The following NLRP12 variants were observed in gnomAD, a reference collection of about 807,000 sequenced individuals.
NLRP12 encodes the protein NLR family pyrin domain containing 12.
A neutral mutation model predicts 91.2 loss-of-function variants in NLRP12; 108 were observed. The ratio of observed to expected loss-of-function variants is 1.18; its 90% confidence interval spans 1.01 to 1.39. The LOEUF is 1.39. NLRP12 is among the 40% of genes most tolerant of loss of function. The pLI is 0.00. For synonymous variants in NLRP12, 613 were observed against 566.7 expected (o/e 1.08, Z -1.16); for missense variants, 1,530 against 1,352.7 (o/e 1.13, Z -2.06).
At chr19:53,806,701 A>G (rs1266836669) in intron 4 of NLRP12, among the ~76,000 whole-genome samples, 7 of 147,838 alleles carry the variant, frequency 4.7e-5, no homozygotes, top group East Asian at 2.0e-4. Flanking sequence ...AAAAAAAAAA[A>G]AAAGAAATTA....
At chr19:53,808,920 A>C (rs2092006389) in intron 3 of NLRP12, among the ~76,000 whole-genome samples, 2 of 151,998 alleles carry the variant, frequency 1.3e-5, no homozygotes, top group African/African-American at 4.8e-5. Flanking sequence ...CGTGTCTCCA[A>C]ACATCGCCAA....
chr19:53,822,679 G>A (rs2092277404), intron 1 of NLRP12, among the ~76,000 whole-genome samples: 1 of 149,610 alleles, frequency 6.7e-6, no homozygotes, highest in African/African-American at 2.5e-5. Context: ...GGAGGTTGCA[G>A]TGAGCGGAGA....
At chr19:53,801,457 T>TC (rs1283084108) in intron 6 of NLRP12, 60 bp from the exon 7 acceptor site, 2 of 1,543,100 alleles carry the variant, frequency 1.3e-6, no homozygotes, top group East Asian at 4.7e-5. Flanking sequence ...TCTTTTTTTT[T>TC]TTTTTTTTTT....
chr19:53,796,091 G>A (rs188309971), intron 8 of NLRP12, 62 bp from the exon 9 acceptor site: 74 of 1,502,102 alleles, frequency 4.9e-5, no homozygotes, highest in Admixed American at 2.5e-4. Context: ...TTCGGAGGCA[G>A]TGTCTCACCC....
chr19:53,802,049 G>A (rs1442545879), intron 6 of NLRP12, among the ~76,000 whole-genome samples: 1 of 151,964 alleles, frequency 6.6e-6, no homozygotes, highest in African/African-American at 2.4e-5. Context: ...CTAACATGGT[G>A]AAACCCCGTC....
At chr19:53,822,745 A>AG (rs2092278517) in intron 1 of NLRP12, among the ~76,000 whole-genome samples, 1 of 150,064 alleles carries the variant, frequency 6.7e-6, no homozygotes, top group African/African-American at 2.5e-5. Flanking sequence ...TTAAAAAAAA[A>AG]AAAAAAAAAG....
In NLRP12 at chr19:53,824,137, A is replaced by G. The variant is rs374428779; in HGVS notation, c.38T>C (p.Leu13Pro). 3.7e-6 allele frequency: 6 copies of G among 1,614,118 alleles called. No homozygotes were observed. Among genetic ancestry groups the G allele is most frequent in the Middle Eastern group, 1.6e-4 (1 of 6,062 alleles). Residue 13 changes from leucine (L) to proline (P), a missense_variant, in exon 1 of 10, where the codon CTG (leucine) becomes CCG (proline). Coordinates refer to ENST00000324134, the MANE Select transcript of NLRP12 (RefSeq NM_144687.4). ...RTAGRDGLCR[L>P]STYLEELEAV... ...CTCGAGTTCTTCCAAGTAGGTGGACAGGCGACAGAGGCCGTCCCTGCCTGC... is the reference window on the plus strand; with the variant it reads ...CTCGAGTTCTTCCAAGTAGGTGGACGGGCGACAGAGGCCGTCCCTGCCTGC...
At chr19:53,821,510 T>C (rs866192594) in intron 1 of NLRP12, among the ~76,000 whole-genome samples, 4 of 151,912 alleles carry the variant, frequency 2.6e-5, no homozygotes, top group African/African-American at 9.7e-5. Flanking sequence ...CTATTAAAAA[T>C]ACAAAAAATT....
At chr19:53,805,652 G>A (rs1350365552) in intron 4 of NLRP12, 1 of 626,706 alleles carries the variant, frequency 1.6e-6, no homozygotes, top group Non-Finnish European at 2.9e-6. Flanking sequence ...TGAGTAGCTG[G>A]GCTTACAGAC....
At chr19:53,815,938 T>TA (rs200830443) in intron 1 of NLRP12, among the ~76,000 whole-genome samples, 2 of 151,030 alleles carry the variant, frequency 1.3e-5, no homozygotes. Flanking sequence ...ATTTTAATTT[T>TA]TTTTTTTTTT....
Position 53,805,590 on chromosome 19 carries a change from T to C in NLRP12, c.2244-140A>G, listed in dbSNP as rs141089455. The stretch of plus-strand genomic sequence containing the variant: ...TGGAGAGCAGTGGCATGATTTTGGC[T>C]TACCACAACCTCTGCCTCCTGGGTT... On this transcript the variant is annotated intron_variant, in intron 4 of 9. Coordinates refer to ENST00000324134, the MANE Select transcript of NLRP12 (RefSeq NM_144687.4). 5.4e-5 allele frequency: 49 copies of C among 907,034 alleles called. No homozygotes were observed. In the African/African-American group the frequency reaches 7.1e-4, roughly 13 times the overall value. The allele number at this position is 907,034 out of a possible 1,614,324, so 56.2% of individuals were successfully genotyped here. A position where few individuals can be genotyped will look rare whatever the true frequency, so the allele number is the denominator to read the frequency against.
At chr19:53,804,225 C>G in intron 5 of NLRP12, 103 bp from the exon 6 acceptor site, 1 of 1,329,828 alleles carries the variant, frequency 7.5e-7, no homozygotes, top group South Asian at 1.3e-5. Context: ...CAGGTTGTTG[C>G]TCTGTCACCC....
At chr19:53,801,639 G>C (rs1479309834) in intron 6 of NLRP12, among the ~76,000 whole-genome samples, 1 of 151,320 alleles carries the variant, frequency 6.6e-6, no homozygotes, top group Non-Finnish European at 1.5e-5. Flanking sequence ...TTTTAGTAGA[G>C]ACAGGGTTTC....
rs199475869 is a variant in NLRP12, at chr19:53,807,500, G to A, written c.2238C>T (p.Asn746=). Residue 746 remains asparagine, a synonymous_variant, in exon 4 of 10, where the codon AAC becomes AAT. Coordinates refer to ENST00000324134, the MANE Select transcript of NLRP12 (RefSeq NM_144687.4). ...GLRHPNCKLQ[N]LRLKRCRISS... ...CCAGACCAGCCTGCACTCACCTCAG[G>A]TTCTGAAGTTTGCAGTTGGGGTGTC... 1 of 1,613,690 alleles carries A rather than the reference G, an allele frequency of 6.2e-7. No individual in the cohort carries two copies. Among genetic ancestry groups the A allele is most frequent in the Non-Finnish European group, 8.5e-7 (1 of 1,179,892 alleles).
At position 53,809,997 on chromosome 19, in the gene NLRP12, G is replaced by A. The variant is rs147716122; in HGVS notation, c.1662C>T (p.Ser554=). 1.8e-5 allele frequency: 29 copies of A among 1,613,990 alleles called. No homozygotes were observed. The African/African-American group carries it at 2.9e-4, about 16-fold the overall frequency. Residue 554 remains serine (S), a synonymous_variant, in exon 3 of 10, where the codon AGC becomes AGT. Coordinates refer to ENST00000324134, the MANE Select transcript of NLRP12 (RefSeq NM_144687.4). The part of the protein sequence containing the change: ...LLTEYAFSER[S]FLALTSRFLF... ...GGAAGCGGCTGGTGAGTGCCAGGAA[G>A]CTCCTTTCAGAAAACGCGTACTCGG... is the stretch of plus-strand genomic sequence containing the variant.
chr19:53,799,436 C>T (rs1218683446), intron 7 of NLRP12, among the ~76,000 whole-genome samples: 1 of 152,078 alleles, frequency 6.6e-6, no homozygotes, highest in African/African-American at 2.4e-5. Context: ...TGGCATAGCT[C>T]CTATGCTTGT....
In NLRP12 at chr19:53,810,557, C is replaced by T. The variant is rs541068679; in HGVS notation, c.1102G>A (p.Ala368Thr). 1.9e-5 allele frequency: 30 copies of T among 1,614,046 alleles called. No individual in the cohort carries two copies. In the South Asian group the frequency reaches 2.4e-4, roughly 13 times the overall value. Residue 368 changes from alanine to threonine, a missense_variant, in exon 3 of 10, where the codon GCA (alanine) becomes ACA (threonine). Ala to Thr is a moderately conservative substitution (Grantham distance 58). Transcript: ENST00000324134. ...TTGTAGAAGTATTCCTTCCTTTCTG[C>T]CTCAGAGAAGCCCAGGATCTCCACA... Reference protein sequence around the residue: ...RHVEILGFSEAERKEYFYKYF... With the variant: ...RHVEILGFSETERKEYFYKYF...
chr19:53,803,844 G>C, intron 6 of NLRP12, 108 bp downstream of exon 6: 1 of 1,125,442 alleles, frequency 8.9e-7, no homozygotes, highest in Non-Finnish European at 1.3e-6. Context: ...AAAGTGCCGG[G>C]ATTACAGGCG....
At chr19:53,802,034 C>T (rs1568663450) in intron 6 of NLRP12, among the ~76,000 whole-genome samples, 1 of 151,954 alleles carries the variant, frequency 6.6e-6, no homozygotes, top group Non-Finnish European at 1.5e-5. Context: ...TGGAGACCAT[C>T]CTGGCTAACA....
Sources: allele counts gnomAD v4.1 joint callset (sites outside exome capture counted in the v4.1 genomes callset), GRCh38; gene constraint gnomAD v4.1.1; transcripts MANE v1.5; gene names NCBI Gene and HGNC (gene_info 2026-07-23, HGNC 2026-07-21).